GYPE: variants seen among roughly 807,000 people sequenced by gnomAD.
GYPE encodes glycophorin-E.
Under a neutral mutation model 11.6 loss-of-function variants are expected in GYPE, and 8 were observed. The observed-to-expected ratio is 0.69, with a 90% CI of 0.41 to 1.25. The LOEUF is 1.25. Among genes scored for constraint, GYPE ranks in the 50% most tolerant of loss-of-function variants. The pLI is 0.01. For synonymous variants in GYPE, 28 were observed against 29.6 expected (o/e 0.94, Z 0.18); for missense variants, 90 against 92.8 (o/e 0.97, Z 0.12).
At chr4:143,903,561 C>CTTCACCA (rs1744947367) in intron 1 of GYPE, among the ~76,000 whole-genome samples, 1 of 137,162 alleles carries the variant, frequency 7.3e-6, no homozygotes, top group Admixed American at 7.4e-5. Context: ...AAGAAAAAGA[C>CTTCACCA]TTCACCATGT....
chr4:143,889,770 A>G (rs1020079725), intron 1 of GYPE, among the ~76,000 whole-genome samples: 12 of 152,176 alleles, frequency 7.9e-5, no homozygotes, highest in African/African-American at 2.7e-4. Context: ...CACTTACTTC[A>G]TTCCACACAT....
chr4:143,874,739 G>A (rs1246725898), intron 3 of GYPE, among the ~76,000 whole-genome samples: 1 of 152,128 alleles, frequency 6.6e-6, no homozygotes, highest in African/African-American at 2.4e-5. Context: ...CCTTTCTGAG[G>A]TGTGGGCATC....
At chr4:143,903,534 AAAAAAAAAG>A (rs1211774361) in intron 1 of GYPE, among the ~76,000 whole-genome samples, 6 of 149,266 alleles carry the variant, frequency 4.0e-5, no homozygotes, top group South Asian at 4.2e-4. Flanking sequence ...CAAAAAAAAA[AAAAAAAAAG>A]AAAAAAAAAG....
intron 1 of GYPE, among the ~76,000 whole-genome samples, chr4:143,897,530 G>C (rs1310021068): frequency 6.6e-6 from 1 of 152,102 alleles, no homozygotes; most frequent in African/African-American, 2.4e-5. Flanking sequence ...CACAGAATAA[G>C]GGAAGGTATT....
chr4:143,894,364 C>A lies in GYPE; in HGVS notation c.37+11107G>T, dbSNP rs527954838. On this transcript the variant is annotated intron_variant, in intron 1 of 3. Coordinates refer to ENST00000358615, the MANE Select transcript of GYPE (RefSeq NM_198682.3). The stretch of plus-strand genomic sequence containing the variant: ...TCCGTTGCTCGAGAGGAACTGTGTT[C>A]CTTTGGAGGAGGAGAGGTGCTCTGC... 2.6e-5 allele frequency among the ~76,000 whole-genome samples: 4 copies of A among 152,170 alleles called. No homozygotes were observed. In the South Asian group the frequency reaches 8.3e-4, roughly 32 times the overall value.
chr4:143,876,712 G>A, intron 3 of GYPE, 34 bp downstream of exon 3: 2 of 1,067,952 alleles, frequency 1.9e-6, no homozygotes, highest in Non-Finnish European at 2.9e-6. Context: ...GTTCACACTG[G>A]TATTTAGAGC....
At chr4:143,879,796 C>A (rs565752230) in intron 2 of GYPE, among the ~76,000 whole-genome samples, 7 of 152,260 alleles carry the variant, frequency 4.6e-5, no homozygotes, top group Admixed American at 4.6e-4. Flanking sequence ...ACATCCCTCC[C>A]AGCAGCAGCT....
At chr4:143,878,588 G>A in intron 2 of GYPE, 1 of 458,536 alleles carries the variant, frequency 2.2e-6, no homozygotes, top group Non-Finnish European at 4.5e-6. Flanking sequence ...AACAAGCAAT[G>A]GGATAGTTTA....
rs1744930864 is a variant in GYPE, at chr4:143,903,200, CTG to C, written c.37+2269_37+2270del. 2.6e-5 allele frequency among the ~76,000 whole-genome samples: 4 copies of C among 151,928 alleles called. No homozygotes were observed. In the South Asian group the frequency reaches 8.3e-4, roughly 32 times the overall value. ...TTTATATGCTTTGTATTATTTTTGACTGTTTTTATCTTATTTTAATAAGATAG... is the reference window on the plus strand; with the variant it reads ...TTTATATGCTTTGTATTATTTTTGACTTTTTATCTTATTTTAATAAGATAG... On this transcript the variant is annotated intron_variant, in intron 1 of 3. Coordinates refer to ENST00000358615, the MANE Select transcript of GYPE (RefSeq NM_198682.3).
chr4:143,889,504 C>G (rs1744324071), intron 1 of GYPE, among the ~76,000 whole-genome samples: 1 of 152,094 alleles, frequency 6.6e-6, no homozygotes, highest in African/African-American at 2.4e-5. Flanking sequence ...AGTAGTGGAA[C>G]AGATGTCTCT....
At chr4:143,891,201 A>G (rs1301243915) in intron 1 of GYPE, among the ~76,000 whole-genome samples, 3 of 151,898 alleles carry the variant, frequency 2.0e-5, no homozygotes, top group Non-Finnish European at 2.9e-5. Flanking sequence ...AAGCAGCTAC[A>G]GACAATATGT....
In GYPE at chr4:143,873,315, T is replaced by G. The variant is rs1479048470; in HGVS notation, c.*10-1063A>C. The G allele has an allele frequency of 7.7e-6, 3 of 387,358 alleles. No individual in the cohort carries two copies. In the East Asian group the frequency reaches 2.1e-4, roughly 28 times the overall value. 24.0% of individuals were successfully genotyped at this position (387,358 alleles called of 1,614,324 possible). ...TACATTAAACTGATTACTTTTGATT[T>G]AAAGGTAATAGCGTTCAGCTGAGAA... On this transcript the variant is annotated intron_variant, in intron 3 of 3. Transcript: ENST00000358615.
intron 1 of GYPE, among the ~76,000 whole-genome samples, chr4:143,882,344 A>T (rs965479833): frequency 6.6e-6 from 1 of 151,998 alleles, no homozygotes; most frequent in African/African-American, 2.4e-5. Context: ...TTTATGAGTC[A>T]ATTAAAGTAT....
intron 3 of GYPE, among the ~76,000 whole-genome samples, chr4:143,874,088 C>G (rs1385022305): frequency 6.6e-6 from 1 of 151,640 alleles, no homozygotes; most frequent in African/African-American, 2.4e-5. Context: ...TGTCTTGTTG[C>G]TATATGTATA....
At chr4:143,881,866 C>T (rs1442335242) in intron 1 of GYPE, among the ~76,000 whole-genome samples, 1 of 152,166 alleles carries the variant, frequency 6.6e-6, no homozygotes, top group African/African-American at 2.4e-5. Flanking sequence ...GGAAGGGCTT[C>T]TCCTCAGAGG....
chr4:143,888,652 T>G (rs1307923651), intron 1 of GYPE, among the ~76,000 whole-genome samples: 1 of 148,106 alleles, frequency 6.8e-6, no homozygotes, highest in Non-Finnish European at 1.5e-5. Flanking sequence ...TTGGACAGAA[T>G]TAACGTATAA....
intron 1 of GYPE, among the ~76,000 whole-genome samples, chr4:143,898,096 A>G (rs898546562): frequency 6.6e-4 from 101 of 152,290 alleles, no homozygotes; most frequent in Non-Finnish European, 8.8e-4. Context: ...GATAGGTTAC[A>G]ACTGGTGCAA....
chr4:143,879,239 C>T, intron 2 of GYPE, among the ~76,000 whole-genome samples: 1 of 152,186 alleles, frequency 6.6e-6, no homozygotes, highest in Admixed American at 6.5e-5. Flanking sequence ...AACCTTCCCT[C>T]TCAGTCCACA....
intron 1 of GYPE, among the ~76,000 whole-genome samples, chr4:143,894,136 C>T (rs1578972594): frequency 6.6e-6 from 1 of 152,042 alleles, no homozygotes; most frequent in African/African-American, 2.4e-5. Context: ...TCACGTAGTT[C>T]TCGAGGCTTG....
Sources: gnomAD v4.1 joint callset for allele counts (sites outside exome capture counted in the v4.1 genomes callset) on GRCh38, gnomAD v4.1.1 for gene constraint, MANE v1.5 for transcripts, NCBI Gene and HGNC (gene_info 2026-07-23, HGNC 2026-07-21) for gene names.